Variants in COL9A1 observed in about 807,000 individuals in gnomAD.
COL9A1 encodes collagen alpha-1(IX) chain.
COL9A1 carries 104 observed loss-of-function variants against 142.6 expected under a neutral mutation model. The observed-to-expected ratio is 0.73, with a 90% confidence interval of 0.62 to 0.86. The LOEUF (loss-of-function observed/expected upper bound fraction) is 0.86, where lower values mean the gene tolerates loss of function less well. COL9A1 is among the 40% of genes least tolerant of loss of function. COL9A1 has a pLI of 0.00. For synonymous variants in COL9A1, 466 were observed against 396.0 expected (o/e 1.18, Z -2.10); for missense variants, 1,210 against 1,176.6 (o/e 1.03, Z -0.42).
At chr6:70,268,502 A>G (rs1033707000) in intron 17 of COL9A1, among the ~76,000 whole-genome samples, 1 of 152,184 alleles carries the variant, frequency 6.6e-6, no homozygotes. Context: ...GGCATGAACC[A>G]CTACACTCAG....
At chr6:70,278,286 G>A (rs532174173) in intron 10 of COL9A1, among the ~76,000 whole-genome samples, 24 of 152,094 alleles carry the variant, frequency 1.6e-4, no homozygotes, top group East Asian at 3.9e-4. Flanking sequence ...ACTTGTATTC[G>A]CATGAGGCAG....
At chr6:70,283,914 A>T (rs1773332952) in intron 5 of COL9A1, 94 bp from the exon 6 acceptor site, 1 of 907,670 alleles carries the variant, frequency 1.1e-6, no homozygotes, top group Non-Finnish European at 1.8e-6. Context: ...TTGTTAAATA[A>T]TTGGAAATCA....
chr6:70,283,632 G>C, intron 6 of COL9A1, 105 bp downstream of exon 6: 1 of 813,030 alleles, frequency 1.2e-6, no homozygotes, highest in Non-Finnish European at 2.1e-6. Flanking sequence ...TAGCGAAAGA[G>C]AGTGGGGAGG....
In COL9A1 at chr6:70,234,920, A is replaced by G; in HGVS notation, c.2133T>C (p.Pro711=). ...GACTTCCCTCAGGCCCTCTCAAGCC[A>G]GGTTCCCCAGGATTACCTGCCTGGA... The part of the protein sequence containing the change: ...PKGSAGNPGE[P]GLRGPEGSRG... The change falls in exon 34 of 38, where the codon CCT becomes CCC. Residue 711 remains proline (P), a synonymous_variant. Transcript: ENST00000357250. 1.9e-6 allele frequency: 3 copies of G among 1,614,188 alleles called. No homozygotes were observed. The highest frequency in any genetic ancestry group is 2.5e-6 in the Non-Finnish European group (3 of 1,180,026).
intron 12 of COL9A1, among the ~76,000 whole-genome samples, chr6:70,272,792 C>T (rs1772492337): frequency 6.6e-6 from 1 of 152,162 alleles, no homozygotes; most frequent in South Asian, 2.1e-4. Context: ...ATCTTCCTAG[C>T]CCCAACTCCT....
chr6:70,219,396 A>C (rs552208407), intron 37 of COL9A1, among the ~76,000 whole-genome samples: 1 of 152,358 alleles, frequency 6.6e-6, no homozygotes, highest in East Asian at 1.9e-4. Context: ...GACCATGGTC[A>C]TTTGTTTACA....
At chr6:70,254,359 G>A in intron 25 of COL9A1, 117 bp downstream of exon 25, 1 of 867,280 alleles carries the variant, frequency 1.2e-6, no homozygotes, top group Non-Finnish European at 1.8e-6. Flanking sequence ...AAATGTAAAA[G>A]TAAAACATCA....
chr6:70,297,965 TC>T (rs1004644422), intron 4 of COL9A1, among the ~76,000 whole-genome samples: 1 of 152,320 alleles, frequency 6.6e-6, no homozygotes, highest in African/African-American at 2.4e-5. Context: ...AATATTTTCC[TC>T]CCACAAAGAT....
intron 12 of COL9A1, among the ~76,000 whole-genome samples, chr6:70,272,405 T>C (rs973427269): frequency 1.3e-5 from 2 of 151,918 alleles, no homozygotes; most frequent in African/African-American, 4.8e-5. Flanking sequence ...CACAAAGAGG[T>C]GCATCACAAC....
At chr6:70,257,048 A>ATTTTT (rs542296705) in intron 20 of COL9A1, among the ~76,000 whole-genome samples, 3 of 105,018 alleles carry the variant, frequency 2.9e-5, no homozygotes, top group African/African-American at 3.9e-5. Flanking sequence ...CCACTCTGTA[A>ATTTTT]TTTTTTTTTT....
intron 35 of COL9A1, 75 bp downstream of exon 35, chr6:70,234,464 G>A: frequency 6.9e-7 from 1 of 1,447,668 alleles, no homozygotes; most frequent in Non-Finnish European, 9.7e-7. Flanking sequence ...GTTTACCCTT[G>A]TGTATCTACA....
chr6:70,282,894 T>C lies in COL9A1; in HGVS notation c.801+4A>G. 1 of 1,614,090 alleles carries C rather than the reference T, an allele frequency of 6.2e-7. No individual in the cohort carries two copies. Among genetic ancestry groups the C allele is most frequent in the Non-Finnish European group, 8.5e-7 (1 of 1,180,024 alleles). ...AATGCAAACACTCCCTGCCCCCAACTTACCTCGTCGGTGGTCTGGCTGGGC... is the reference window on the plus strand; with the variant it reads ...AATGCAAACACTCCCTGCCCCCAACCTACCTCGTCGGTGGTCTGGCTGGGC... On this transcript the variant is annotated splice_donor_region_variant and intron_variant, in intron 7 of 37. Transcript: ENST00000357250.
intron 15 of COL9A1, 132 bp from the exon 16 acceptor site, chr6:70,269,797 G>T (rs1772274360): frequency 1.6e-6 from 1 of 633,116 alleles, no homozygotes; most frequent in Non-Finnish European, 2.8e-6. Flanking sequence ...CAGATAATAT[G>T]CTAATATTCT....
At position 70,234,939 on chromosome 6, in the gene COL9A1, G is replaced by C; in HGVS notation, c.2114C>G (p.Ala705Gly). 4.3e-6 allele frequency: 7 copies of C among 1,614,096 alleles called. No individual in the cohort carries two copies. Among genetic ancestry groups the C allele is most frequent in the Non-Finnish European group, 5.9e-6 (7 of 1,180,016 alleles). Residue 705 changes from alanine (A) to glycine (G), a missense_variant and splice_region_variant, in exon 34 of 38, where the codon GCA (alanine) becomes GGA (glycine). Ala to Gly is a moderately conservative substitution (Grantham distance 60). Transcript: ENST00000357250. ...DIGLPGPKGSAGNPGEPGLRG... is the reference protein window; with the variant it reads ...DIGLPGPKGSGGNPGEPGLRG... The stretch of plus-strand genomic sequence containing the variant: ...CAAGCCAGGTTCCCCAGGATTACCT[G>C]CCTGGAACACAATTGCACACTATCA...
chr6:70,218,457 T>C (rs1177742937), intron 37 of COL9A1, among the ~76,000 whole-genome samples: 1 of 152,160 alleles, frequency 6.6e-6, no homozygotes, highest in Non-Finnish European at 1.5e-5. Flanking sequence ...CCCAGTGCAC[T>C]AGCAGCACTT....
At chr6:70,217,449 G>C (rs662828) in intron 37 of COL9A1, among the ~76,000 whole-genome samples, 52,388 of 151,976 alleles carry the variant, frequency 0.34, 9,227 homozygotes, top group East Asian at 0.44. Context: ...TTAAAGACTT[G>C]ATATGAAAAA....
At chr6:70,278,269 G>T (rs1442482840) in intron 10 of COL9A1, among the ~76,000 whole-genome samples, 1 of 152,050 alleles carries the variant, frequency 6.6e-6, no homozygotes, top group African/African-American at 2.4e-5. Context: ...CATCTATTAA[G>T]ATCGTCACTT....
intron 36 of COL9A1, among the ~76,000 whole-genome samples, chr6:70,232,376 T>C (rs1159917014): frequency 6.6e-6 from 1 of 152,214 alleles, no homozygotes; most frequent in African/African-American, 2.4e-5. Flanking sequence ...AATTCTAGTA[T>C]TTGGTCTACT....
At chr6:70,228,634 G>A (rs1034124046) in intron 36 of COL9A1, among the ~76,000 whole-genome samples, 3 of 152,114 alleles carry the variant, frequency 2.0e-5, no homozygotes, top group Admixed American at 1.3e-4. Context: ...CACTCAGATA[G>A]TCAAAGATCT....
Sources: gnomAD v4.1 joint callset for allele counts (sites outside exome capture counted in the v4.1 genomes callset) on GRCh38, gnomAD v4.1.1 for gene constraint, MANE v1.5 for transcripts, NCBI Gene and HGNC (gene_info 2026-07-23, HGNC 2026-07-21) for gene names.